The following USP32 variants were observed in gnomAD, a reference collection of about 807,000 sequenced individuals.
USP32 encodes ubiquitin specific peptidase 32.
A neutral mutation model predicts 204.8 loss-of-function variants in USP32; 59 were observed. The ratio of observed to expected loss-of-function variants is 0.29; its 90% confidence interval spans 0.23 to 0.36. USP32 has a LOEUF of 0.36. USP32 is among the 10% of genes least tolerant of loss of function. USP32 has a pLI of 1.00. For missense variants in USP32, 1,160 were observed against 1,946.4 expected (o/e 0.60, Z 7.60); for synonymous variants, 517 against 678.4 (o/e 0.76, Z 3.70).
At position 60,222,567 on chromosome 17, in the gene USP32, GA is replaced by G. The variant is rs779678499; in HGVS notation, c.1609-19del. 8.7e-6 allele frequency: 14 copies of G among 1,606,508 alleles called. No homozygotes were observed. Among genetic ancestry groups the G allele is most frequent in the African/African-American group, 2.7e-5 (2 of 74,672 alleles). ...GATGTAGCCTGAGAAAGAATAGAAT[GA>G]CAATGTTGACTTTCAATATTACAAA... On this transcript the variant is annotated intron_variant, in intron 14 of 33. Transcript: ENST00000300896.
chr17:60,322,351 T>C (rs187200818), intron 2 of USP32, among the ~76,000 whole-genome samples: 1 of 152,246 alleles, frequency 6.6e-6, no homozygotes, highest in African/African-American at 2.4e-5. Context: ...TGTTCTTAAA[T>C]CAATGAATTT....
chr17:60,346,428 T>C (rs2088787446), intron 1 of USP32, among the ~76,000 whole-genome samples: 1 of 152,232 alleles, frequency 6.6e-6, no homozygotes, highest in South Asian at 2.1e-4. Context: ...ATATTATTTG[T>C]ACTCCTTGAG....
chr17:60,346,528 T>C (rs2088789515), intron 1 of USP32, among the ~76,000 whole-genome samples: 1 of 152,196 alleles, frequency 6.6e-6, no homozygotes, highest in Non-Finnish European at 1.5e-5. Flanking sequence ...ACAGATGATA[T>C]TAACAAACTA....
chr17:60,369,151 C>A (rs1490128096), intron 1 of USP32, among the ~76,000 whole-genome samples: 1 of 142,988 alleles, frequency 7.0e-6, no homozygotes, highest in Non-Finnish European at 1.5e-5. Context: ...CCCGCCACTA[C>A]GCCCGGCTAA....
At chr17:60,413,716 T>C (rs980822594) in intron 1 of USP32, among the ~76,000 whole-genome samples, 4 of 151,674 alleles carry the variant, frequency 2.6e-5, no homozygotes, top group Admixed American at 2.6e-4. Context: ...AATACAAAAA[T>C]CAGCTGGGCA....
intron 2 of USP32, among the ~76,000 whole-genome samples, chr17:60,325,972 C>CAAA (rs374347100): frequency 1.4e-3 from 84 of 58,268 alleles, no homozygotes; most frequent in Non-Finnish European, 2.7e-3. Flanking sequence ...GACTCTGTCT[C>CAAA]AAAAAAAAAA....
chr17:60,415,922 C>T (rs1277766617), intron 1 of USP32, among the ~76,000 whole-genome samples: 3 of 152,058 alleles, frequency 2.0e-5, no homozygotes, highest in Non-Finnish European at 4.4e-5. Context: ...TCACTGCAAC[C>T]TCTGCCTCCC....
At chr17:60,387,197 T>A (rs759251246) in intron 1 of USP32, among the ~76,000 whole-genome samples, 37 of 152,296 alleles carry the variant, frequency 2.4e-4, no homozygotes, top group Non-Finnish European at 4.7e-4. Context: ...GTAGTATAAA[T>A]CTAACGAAAT....
intron 1 of USP32, among the ~76,000 whole-genome samples, chr17:60,380,584 A>T (rs1335994089): frequency 6.6e-6 from 1 of 152,220 alleles, no homozygotes; most frequent in African/African-American, 2.4e-5. Flanking sequence ...GAAATCACAG[A>T]AATATGAAAT....
intron 1 of USP32, among the ~76,000 whole-genome samples, chr17:60,399,187 A>C (rs2089918487): frequency 6.6e-6 from 1 of 152,148 alleles, no homozygotes; most frequent in South Asian, 2.1e-4. Flanking sequence ...TGTGGCAAGC[A>C]TTGTTCTAGG....
intron 9 of USP32, among the ~76,000 whole-genome samples, chr17:60,264,999 T>G (rs1567813219): frequency 6.6e-6 from 1 of 152,136 alleles, no homozygotes; most frequent in Non-Finnish European, 1.5e-5. Context: ...TATTCCAACT[T>G]CTATCACTAT....
chr17:60,329,980 A>G (rs540726370), intron 2 of USP32, among the ~76,000 whole-genome samples: 207 of 152,352 alleles, frequency 1.4e-3, no homozygotes, highest in African/African-American at 4.9e-3. Flanking sequence ...CCTTGCAATT[A>G]GCTTCACACT....
At position 60,405,828 on chromosome 17, in the gene USP32, G is replaced by A. The variant is rs115798958; in HGVS notation, c.106+16418C>T. ...TCAGGGCCATTTAATAAATTCATCC[G>A]TAACCATCGTGCATAGAATTTTATT... On this transcript the variant is annotated intron_variant, in intron 1 of 3. Coordinates refer to the USP32 transcript ENST00000588898. Among the ~76,000 whole-genome samples the A allele has an allele frequency of 1.2e-3, 176 of 152,148 alleles. 1 individual carries two copies. Among genetic ancestry groups the A allele is most frequent in the African/African-American group, 3.8e-3 (159 of 41,532 alleles).
At chr17:60,396,655 A>G (rs1045775379), upstream of USP32, among the ~76,000 whole-genome samples, 1 of 152,176 alleles carries the variant, frequency 6.6e-6, no homozygotes, top group Non-Finnish European at 1.5e-5. Flanking sequence ...AAAATTGGCA[A>G]CATTTCAACA....
At chr17:60,300,752 T>C (rs1347350116) in intron 3 of USP32, among the ~76,000 whole-genome samples, 1 of 152,198 alleles carries the variant, frequency 6.6e-6, no homozygotes. Flanking sequence ...TTAAAGTATA[T>C]TTATAAGGTT....
chr17:60,345,339 A>T lies in USP32; in HGVS notation c.186+142T>A. On this transcript the variant is annotated intron_variant, in intron 2 of 33. Coordinates refer to ENST00000300896, the MANE Select transcript of USP32 (RefSeq NM_032582.4). ...AAGAACACAGCCACGTTGACATCTA[A>T]AACAAAACATTGTTTACCCACTCAG... is the stretch of plus-strand genomic sequence containing the variant. The T allele has an allele frequency of 2.5e-6, 3 of 1,216,936 alleles. No homozygotes were observed. In the Admixed American group the frequency reaches 7.2e-5, roughly 29 times the overall value. 75.4% of individuals were successfully genotyped at this position (1,216,936 alleles called of 1,614,324 possible).
At chr17:60,378,162 A>G (rs1462765242) in intron 1 of USP32, among the ~76,000 whole-genome samples, 1 of 152,220 alleles carries the variant, frequency 6.6e-6, no homozygotes, top group Non-Finnish European at 1.5e-5. Flanking sequence ...TCTCCAAAAA[A>G]GACATACAAA....
chr17:60,253,507 T>C (rs748565641), intron 10 of USP32, among the ~76,000 whole-genome samples: 7 of 152,022 alleles, frequency 4.6e-5, no homozygotes, highest in Non-Finnish European at 1.0e-4. Context: ...GGCTCATATC[T>C]ATAATCCTAG....
intron 29 of USP32, 68 bp from the exon 30 acceptor site, chr17:60,185,719 C>A: frequency 1.3e-6 from 2 of 1,527,918 alleles, no homozygotes; most frequent in South Asian, 2.5e-5. Context: ...TCTAGGTATG[C>A]ATCAACCTCT....
Sources: allele counts gnomAD v4.1 joint callset (sites outside exome capture counted in the v4.1 genomes callset), GRCh38; gene constraint gnomAD v4.1.1; transcripts MANE v1.5; gene names NCBI Gene and HGNC (gene_info 2026-07-23, HGNC 2026-07-21).